MTOR: variants seen among roughly 807,000 people sequenced by gnomAD.
MTOR encodes the protein mechanistic target of rapamycin kinase.
A neutral mutation model predicts 319.8 loss-of-function variants in MTOR; 70 were observed. The ratio of observed to expected loss-of-function variants is 0.22; its 90% CI spans 0.18 to 0.27. MTOR has a LOEUF of 0.27. Among genes scored for constraint, MTOR ranks in the 10% least tolerant of loss-of-function variants. The pLI is 1.00. For missense variants in MTOR, 1,890 were observed against 3,274.4 expected (o/e 0.58, Z 10.32); for synonymous variants, 1,183 against 1,211.4 (o/e 0.98, Z 0.49).
chr1:11,119,623 G>A (rs1642395176), intron 49 of MTOR, among the ~76,000 whole-genome samples: 1 of 139,908 alleles, frequency 7.1e-6, no homozygotes, highest in South Asian at 2.3e-4. Flanking sequence ...GCACGCGCCT[G>A]TAATTCCAGG....
chr1:11,210,968 G>GA, intron 23 of MTOR, 62 bp from the exon 24 acceptor site: 1 of 1,003,020 alleles, frequency 1.0e-6, no homozygotes. Flanking sequence ...AAAAGTAGAG[G>GA]AAAAAATATT....
In MTOR at chr1:11,109,877, C is replaced by G. The variant is rs1449041207; in HGVS notation, c.7367-148G>C. ...AAGAGAAGGAAAGTTTTATGTTACT[C>G]TTTATGTATTTCAAAGTTTTAAGCT... On this transcript the variant is annotated intron_variant, in intron 54 of 57. Transcript: ENST00000361445. The surrounding 1 kb of genome is among the most constrained non-coding windows in gnomAD (Gnocchi z 4.0). 1.5e-6 allele frequency: 1 copy of G among 657,768 alleles called. No individual in the cohort carries two copies. The allele number at this position is 657,768 out of a possible 1,614,324, so 40.7% of individuals were successfully genotyped here. A position where few individuals can be genotyped will look rare whatever the true frequency, so the allele number is the denominator to read the frequency against.
intron 30 of MTOR, among the ~76,000 whole-genome samples, chr1:11,153,032 C>T (rs1225272033): frequency 6.6e-6 from 1 of 152,154 alleles, no homozygotes; most frequent in African/African-American, 2.4e-5. Flanking sequence ...TCACTCAGCT[C>T]GGTTTTCTCA....
chr1:11,129,056 C>T lies in MTOR; in HGVS notation c.5715-105G>A, dbSNP rs1466538744. ...AGAAGAGAGCTGGCAGGGACTCCAACCAGTAACTCTCAAATGTGTTTGGCC... is the reference window on the plus strand; with the variant it reads ...AGAAGAGAGCTGGCAGGGACTCCAATCAGTAACTCTCAAATGTGTTTGGCC... On this transcript the variant is annotated intron_variant, in intron 40 of 57. Coordinates refer to ENST00000361445, the MANE Select transcript of MTOR (RefSeq NM_004958.4). This position sits in a 1 kb window ranked among gnomAD's most constrained non-coding sequence, Gnocchi z 4.7. 1.1e-6 allele frequency: 1 copy of T among 881,186 alleles called. No homozygotes were observed. Among genetic ancestry groups the T allele is most frequent in the Non-Finnish European group, 1.8e-6 (1 of 554,980 alleles). 54.6% of individuals were successfully genotyped at this position (881,186 alleles called of 1,614,324 possible). A position where few individuals can be genotyped will look rare whatever the true frequency, so the allele number is the denominator to read the frequency against.
intron 28 of MTOR, among the ~76,000 whole-genome samples, chr1:11,187,601 G>C (rs1178555687): frequency 1.3e-5 from 2 of 152,172 alleles, no homozygotes; most frequent in Non-Finnish European, 2.9e-5. Flanking sequence ...GGGGATTAGG[G>C]ACCCCTGCTA....
intron 28 of MTOR, among the ~76,000 whole-genome samples, chr1:11,171,048 A>C (rs1470776196): frequency 6.6e-6 from 1 of 150,782 alleles, no homozygotes; most frequent in East Asian, 2.0e-4. Flanking sequence ...TACAAAAATT[A>C]GCTGGGCGTG....
In MTOR at chr1:11,185,642, A is replaced by C. The variant is rs370892432; in HGVS notation, c.4253+13616T>G. ...CAAAACAAAACAGGACTCTAAGAGA[A>C]GGCCTGAGAGAAAAGACTTCTAATA... is the stretch of plus-strand genomic sequence containing the variant. On this transcript the variant is annotated intron_variant, in intron 28 of 57. Transcript: ENST00000361445. Among the ~76,000 whole-genome samples the C allele has an allele frequency of 1.2e-3, 189 of 152,276 alleles. 1 individual carries two copies. The highest frequency in any genetic ancestry group is 5.2e-3 in the South Asian group (25 of 4,822).
chr1:11,176,474 C>T (rs1239120879), intron 28 of MTOR, among the ~76,000 whole-genome samples: 2 of 152,242 alleles, frequency 1.3e-5, no homozygotes, highest in Admixed American at 6.5e-5. Context: ...TGAGAACACA[C>T]CCACTGGCTT....
intron 49 of MTOR, among the ~76,000 whole-genome samples, chr1:11,120,279 C>T (rs2100351459): frequency 6.6e-6 from 1 of 152,072 alleles, no homozygotes; most frequent in Admixed American, 6.5e-5. Flanking sequence ...TGGCTCATAC[C>T]TGTAATCCCA....
Position 11,133,230 on chromosome 1 carries a change from C to T in MTOR, c.5247-33G>A. ...CAGAGAAACAAGCCCCCATGACATT[C>T]CCTCCTCAAAACAGCCCTCCTAAGA... On this transcript the variant is annotated intron_variant, in intron 37 of 57. Transcript: ENST00000361445. The surrounding 1 kb of genome is among the most constrained non-coding windows in gnomAD (Gnocchi z 4.0). The T allele has an allele frequency of 6.3e-7, 1 of 1,590,932 alleles. No homozygotes were observed. The highest frequency in any genetic ancestry group is 8.6e-7 in the Non-Finnish European group (1 of 1,159,106).
rs776673325 is a variant in MTOR, at chr1:11,189,801, G to C, written c.4253+9457C>G. 1.7e-5 allele frequency: 28 copies of C among 1,614,078 alleles called. No homozygotes were observed. In the Admixed American group the frequency reaches 2.2e-4, roughly 12 times the overall value. On this transcript the variant is annotated intron_variant, in intron 28 of 57. Transcript: ENST00000361445. ...TGAACAAGAAGCAGGAGAGGGACTG[G>C]GTCAGCGTGGTCATGCAGGTGATGG... is the stretch of plus-strand genomic sequence containing the variant.
chr1:11,125,607 G>A (rs1033412752), intron 46 of MTOR, among the ~76,000 whole-genome samples: 3 of 151,490 alleles, frequency 2.0e-5, no homozygotes, highest in African/African-American at 7.3e-5. Flanking sequence ...GCATGCGCCT[G>A]TAATCTCAGC....
In MTOR at chr1:11,108,297, AGG is replaced by A; in HGVS notation, c.7529-13_7529-12del. On this transcript the variant is annotated splice_polypyrimidine_tract_variant and intron_variant, in intron 56 of 57. Transcript: ENST00000361445. ...GAGAGAAGTCCCGACCTAGCACAGG[AGG>A]AACAAAAACATTTCACTCTCTTCCT... 1 of 1,606,512 alleles carries A rather than the reference AGG, an allele frequency of 6.2e-7. No homozygotes were observed. Among genetic ancestry groups the A allele is most frequent in the Non-Finnish European group, 8.5e-7 (1 of 1,173,144 alleles).
Position 11,246,390 on chromosome 1 carries a change from C to T in MTOR, c.1225+1235G>A, listed in dbSNP as rs572852571. Among the ~76,000 whole-genome samples the T allele has an allele frequency of 9.2e-5, 14 of 152,344 alleles. No homozygotes were observed. In the South Asian group the frequency reaches 2.9e-3, roughly 32 times the overall value. On this transcript the variant is annotated intron_variant, in intron 8 of 57. Transcript: ENST00000361445. ...CAAGATCATTTAAAGCTCTACTGAA[C>T]AGCAGCCTGTCTGGTCATTAAAAAA...
chr1:11,148,057 G>C (rs899508193), intron 31 of MTOR, among the ~76,000 whole-genome samples: 1 of 152,136 alleles, frequency 6.6e-6, no homozygotes, highest in African/African-American at 2.4e-5. Flanking sequence ...TATATATTGG[G>C]AAACTTCTAA....
chr1:11,193,908 G>A, intron 28 of MTOR: 1 of 1,023,760 alleles, frequency 9.8e-7, no homozygotes, highest in South Asian at 1.7e-5. Flanking sequence ...CCTGCAAGTT[G>A]TAATGGAGTT....
intron 24 of MTOR, among the ~76,000 whole-genome samples, chr1:11,210,533 C>A (rs967409607): frequency 6.6e-6 from 1 of 152,132 alleles, no homozygotes; most frequent in African/African-American, 2.4e-5. Context: ...TATTTTGCAA[C>A]ACATGAAAAT....
At chr1:11,130,417 C>T (rs992858995) in intron 39 of MTOR, 112 bp downstream of exon 39, 3 of 1,492,962 alleles carry the variant, frequency 2.0e-6, no homozygotes, top group Non-Finnish European at 2.7e-6. Flanking sequence ...TTTCCAGCTC[C>T]ATCTGGCACT....
At chr1:11,239,408 G>T (rs6666361) in intron 11 of MTOR, among the ~76,000 whole-genome samples, 9,009 of 152,148 alleles carry the variant, frequency 0.059, 380 homozygotes, top group South Asian at 0.12. Context: ...TGGAGGAACT[G>T]CAATAGAGAA....
Sources: gnomAD v4.1 joint callset for allele counts (sites outside exome capture counted in the v4.1 genomes callset) on GRCh38, gnomAD v4.1.1 for gene constraint, Gnocchi (gnomAD v3.1) non-coding constraint, MANE v1.5 for transcripts, NCBI Gene and HGNC (gene_info 2026-07-23, HGNC 2026-07-21) for gene names.